The following KLF12 variants were observed in gnomAD, a reference collection of about 807,000 sequenced individuals.
The protein encoded by KLF12 is KLF transcription factor 12.
KLF12 carries 9 observed loss-of-function variants against 37.8 expected under a neutral mutation model. The observed-to-expected ratio is 0.24, with a 90% confidence interval of 0.14 to 0.42. KLF12 has a LOEUF of 0.42. Among genes scored for constraint, KLF12 ranks in the 10% least tolerant of loss-of-function variants. The pLI, the probability that KLF12 is intolerant of heterozygous loss-of-function variation, is 1.00. For missense variants in KLF12, 411 were observed against 516.0 expected (o/e 0.80, Z 1.97); for synonymous variants, 208 against 202.1 (o/e 1.03, Z -0.25).
At chr13:73,864,374 C>T (rs370729321) in intron 3 of KLF12, among the ~76,000 whole-genome samples, 89 of 152,136 alleles carry the variant, frequency 5.9e-4, no homozygotes, top group African/African-American at 2.0e-3. Context: ...TTAAATTCCT[C>T]AGTGCTGATC....
chr13:74,129,636 CAAAA>C (rs1878151671), intron 1 of KLF12, among the ~76,000 whole-genome samples: 1 of 148,600 alleles, frequency 6.7e-6, no homozygotes, highest in Non-Finnish European at 1.5e-5. Context: ...AATAAATATT[CAAAA>C]ATGTAGACCA....
intron 4 of KLF12, among the ~76,000 whole-genome samples, chr13:73,814,739 C>T (rs1883125041): frequency 6.6e-6 from 1 of 151,936 alleles, no homozygotes; most frequent in African/African-American, 2.4e-5. Flanking sequence ...AGAGACATTA[C>T]TGATTGTCAC....
chr13:73,868,906 A>G (rs940402983), intron 3 of KLF12, among the ~76,000 whole-genome samples: 4 of 152,184 alleles, frequency 2.6e-5, no homozygotes, highest in African/African-American at 9.6e-5. Flanking sequence ...AAACCTGCCT[A>G]AATTTACAAA....
intron 2 of KLF12, among the ~76,000 whole-genome samples, chr13:73,993,050 G>A (rs1014367268): frequency 1.3e-5 from 2 of 152,214 alleles, no homozygotes; most frequent in Non-Finnish European, 2.9e-5. Context: ...TGGCCAACGC[G>A]GTGAAACCCT....
At chr13:74,073,660 CA>C (rs1354554626) in intron 1 of KLF12, among the ~76,000 whole-genome samples, 4 of 152,180 alleles carry the variant, frequency 2.6e-5, no homozygotes. Flanking sequence ...CACATGTCCA[CA>C]AAATACACTA....
At chr13:74,081,786 G>A (rs538630051) in intron 1 of KLF12, among the ~76,000 whole-genome samples, 4 of 152,124 alleles carry the variant, frequency 2.6e-5, no homozygotes, top group South Asian at 2.1e-4. Context: ...TATATTACTC[G>A]TGCCAGAGAA....
rs1873742538 is a variant in KLF12, at chr13:73,690,281, A to T, written c.*5209T>A. 1 of 152,626 alleles carries T rather than the reference A, an allele frequency of 6.6e-6. No individual in the cohort carries two copies. The highest frequency in any genetic ancestry group is 2.1e-4 in the South Asian group (1 of 4,832). The allele number at this position is 152,626 out of a possible 1,614,324, so 9.5% of individuals were successfully genotyped here. A position where few individuals can be genotyped will look rare whatever the true frequency, so the allele number is the denominator to read the frequency against. On this transcript the variant is annotated 3_prime_UTR_variant, in exon 8 of 8. Coordinates refer to ENST00000377669, the MANE Select transcript of KLF12 (RefSeq NM_007249.5). ...TATTTCTGAAAATGGGCATTAGCTT[A>T]TTCCTATTGCGAGTATAGATTCCTT...
chr13:73,817,870 G>C (rs1473406169), intron 4 of KLF12, among the ~76,000 whole-genome samples: 1 of 152,142 alleles, frequency 6.6e-6, no homozygotes, highest in Non-Finnish European at 1.5e-5. Flanking sequence ...GTCTGATTCT[G>C]GAATCAAATT....
intron 1 of KLF12, among the ~76,000 whole-genome samples, chr13:74,088,066 C>T (rs188999884): frequency 5.9e-5 from 9 of 152,212 alleles, no homozygotes; most frequent in Admixed American, 5.9e-4. Context: ...GACTGGAAAA[C>T]AAAAGCATGG....
At chr13:74,181,534 C>A in the KLF12 span, among the ~76,000 whole-genome samples, 12 of 149,916 alleles carry the variant, frequency 8.0e-5, no homozygotes, top group Middle Eastern at 3.4e-3. Flanking sequence ...AACAAACAAA[C>A]AAAAAAAGAA....
intron 5 of KLF12, among the ~76,000 whole-genome samples, chr13:73,797,411 C>A (rs1387800209): frequency 6.6e-6 from 1 of 152,162 alleles, no homozygotes; most frequent in Non-Finnish European, 1.5e-5. Context: ...ACTATCAATT[C>A]TTCCTTTAAA....
the KLF12 span, among the ~76,000 whole-genome samples, chr13:74,287,349 T>TGAGA: frequency 0.078 from 5,626 of 71,778 alleles, 453 homozygotes; most frequent in South Asian, 0.088. Flanking sequence ...CTATCAAAGT[T>TGAGA]GAGAGAGAGA....
At chr13:73,856,414 C>T (rs185153401) in intron 3 of KLF12, among the ~76,000 whole-genome samples, 108 of 152,276 alleles carry the variant, frequency 7.1e-4, no homozygotes, top group African/African-American at 2.6e-3. Context: ...TAGGAAGGTA[C>T]GCGTTTTAAG....
At chr13:73,719,140 T>C (rs148946944) in intron 6 of KLF12, among the ~76,000 whole-genome samples, 3 of 152,140 alleles carry the variant, frequency 2.0e-5, no homozygotes, top group Non-Finnish European at 4.4e-5. Flanking sequence ...TGATTTGATC[T>C]TTTTGTGGAA....
At chr13:73,949,231 A>G (rs1890557085) in intron 2 of KLF12, among the ~76,000 whole-genome samples, 1 of 151,970 alleles carries the variant, frequency 6.6e-6, no homozygotes, top group Admixed American at 6.6e-5. Flanking sequence ...ATCAATATGC[A>G]CTCCTAATAC....
the KLF12 span, among the ~76,000 whole-genome samples, chr13:74,274,745 G>A: frequency 5.3e-5 from 8 of 150,322 alleles, no homozygotes; most frequent in East Asian, 9.7e-4. Context: ...CTGTCTTTAT[G>A]TATGTGTAAG....
chr13:74,113,083 A>C (rs1436046412), intron 1 of KLF12, among the ~76,000 whole-genome samples: 1 of 152,204 alleles, frequency 6.6e-6, no homozygotes, highest in Non-Finnish European at 1.5e-5. Context: ...AACTCTCTTT[A>C]ATTTTGCAAA....
At chr13:73,894,965 T>G (rs1293370405) in intron 3 of KLF12, among the ~76,000 whole-genome samples, 1 of 152,236 alleles carries the variant, frequency 6.6e-6, no homozygotes, top group African/African-American at 2.4e-5. Context: ...TCTATCTCTG[T>G]TTTCTCTTAA....
chr13:73,935,996 T>C (rs1247007301), intron 3 of KLF12, among the ~76,000 whole-genome samples: 1 of 152,090 alleles, frequency 6.6e-6, no homozygotes, highest in Non-Finnish European at 1.5e-5. Flanking sequence ...CTTCCATTTC[T>C]CTTCTCATCA....
Sources: gnomAD v4.1 joint callset for allele counts (sites outside exome capture counted in the v4.1 genomes callset) on GRCh38, gnomAD v4.1.1 for gene constraint, MANE v1.5 for transcripts, NCBI Gene and HGNC (gene_info 2026-07-23, HGNC 2026-07-21) for gene names.